The following PSTPIP2 variants were observed in gnomAD, a reference collection of about 807,000 sequenced individuals.
PSTPIP2 encodes proline-serine-threonine phosphatase-interacting protein 2.
A neutral mutation model predicts 63.3 loss-of-function variants in PSTPIP2; 33 were observed. The observed-to-expected ratio is 0.52, with a 90% CI of 0.40 to 0.70. The LOEUF is 0.70. PSTPIP2 is among the 30% of genes least tolerant of loss of function. PSTPIP2 has a pLI of 0.00. For missense variants in PSTPIP2, 312 were observed against 400.7 expected, an observed-to-expected ratio of 0.78 and a Z score of 1.89; for synonymous variants, 125 against 132.7, an observed-to-expected ratio of 0.94 and a Z score of 0.40.
chr18:46,004,474 G>A (rs568217200), intron 6 of PSTPIP2, among the ~76,000 whole-genome samples: 7 of 152,204 alleles, frequency 4.6e-5, no homozygotes, highest in African/African-American at 1.7e-4. Context: ...TTACTTAAAG[G>A]AAAAGTTTTT....
chr18:46,005,642 C>T (rs973921883), intron 5 of PSTPIP2, 111 bp from the exon 6 acceptor site: 4 of 790,432 alleles, frequency 5.1e-6, no homozygotes, highest in Non-Finnish European at 7.7e-6. Context: ...AAAATGATTA[C>T]CCACATTTCA....
At chr18:46,028,784 T>TA in intron 2 of PSTPIP2, 1 of 1,224,776 alleles carries the variant, frequency 8.2e-7, no homozygotes, top group South Asian at 1.2e-5. Context: ...GTGGGAGGAG[T>TA]ACCTGCCTGG....
intron 1 of PSTPIP2, among the ~76,000 whole-genome samples, chr18:46,067,254 G>C (rs908838600): frequency 6.6e-6 from 1 of 152,048 alleles, no homozygotes; most frequent in East Asian, 1.9e-4. Context: ...TGTAATCCCA[G>C]CACTTTGGGA....
At chr18:46,072,078 C>T (rs1599758517) in intron 1 of PSTPIP2, 78 bp downstream of exon 1, 1 of 1,481,346 alleles carries the variant, frequency 6.8e-7, no homozygotes, top group Non-Finnish European at 9.0e-7. Flanking sequence ...GCTGGGGAGC[C>T]CCCCACGCCC....
intron 12 of PSTPIP2, 118 bp from the exon 13 acceptor site, chr18:45,990,874 CA>C: frequency 1.3e-6 from 1 of 745,104 alleles, no homozygotes; most frequent in Non-Finnish European, 2.1e-6. Context: ...ACTGGAGGGT[CA>C]AGAAAGCTCA....
chr18:46,063,268 G>A (rs1048055138), intron 1 of PSTPIP2, among the ~76,000 whole-genome samples: 1 of 152,080 alleles, frequency 6.6e-6, no homozygotes, highest in African/African-American at 2.4e-5. Flanking sequence ...GCCTCCCAAA[G>A]TACTAGGATT....
chr18:46,067,210 A>C (rs1306517759), intron 1 of PSTPIP2, among the ~76,000 whole-genome samples: 8 of 152,046 alleles, frequency 5.3e-5, no homozygotes, highest in Non-Finnish European at 1.2e-4. Context: ...TGTCAAATTA[A>C]ATTCGACCTA....
intron 2 of PSTPIP2, chr18:46,028,748 G>A: frequency 1.0e-6 from 1 of 977,046 alleles, no homozygotes; most frequent in South Asian, 1.3e-5. Flanking sequence ...CTTAAGAAGC[G>A]ACTTTAAGAA....
chr18:45,998,463 C>T (rs1250325208), intron 8 of PSTPIP2, among the ~76,000 whole-genome samples: 6 of 152,094 alleles, frequency 3.9e-5, no homozygotes, highest in African/African-American at 1.2e-4. Flanking sequence ...ATTGCAAAGC[C>T]GCTACCACAT....
intron 5 of PSTPIP2, among the ~76,000 whole-genome samples, chr18:46,009,139 A>G (rs981565284): frequency 2.0e-5 from 3 of 152,044 alleles, no homozygotes; most frequent in Admixed American, 6.5e-5. Flanking sequence ...CTTGGTCACC[A>G]CCTTCATAAA....
chr18:46,055,254 T>G (rs1416907728), intron 1 of PSTPIP2, among the ~76,000 whole-genome samples: 1 of 152,158 alleles, frequency 6.6e-6, no homozygotes, highest in Non-Finnish European at 1.5e-5. Context: ...CCAGTGCCTC[T>G]CCCTCCAATC....
At chr18:46,048,194 C>G (rs1444059663) in intron 1 of PSTPIP2, among the ~76,000 whole-genome samples, 1 of 151,754 alleles carries the variant, frequency 6.6e-6, no homozygotes, top group Non-Finnish European at 1.5e-5. Context: ...ATACAGAGGC[C>G]AGAGAAAGAG....
intron 1 of PSTPIP2, among the ~76,000 whole-genome samples, chr18:46,052,298 T>G (rs1409250833): frequency 6.6e-6 from 1 of 152,190 alleles, no homozygotes; most frequent in Non-Finnish European, 1.5e-5. Context: ...GCCCAACCCA[T>G]AGAAATTCCA....
At chr18:46,002,854 G>A (rs563121289) in intron 6 of PSTPIP2, among the ~76,000 whole-genome samples, 117 of 152,282 alleles carry the variant, frequency 7.7e-4, no homozygotes, top group African/African-American at 2.5e-3. Context: ...TAAAATCTTC[G>A]TCACATAATT....
rs533383648 is a variant in PSTPIP2 at position 45,991,845 on chromosome 18, T to C, written c.920+57A>G. ...ATTCTAACATGTCTTAGAACATTCA[T>C]GATAACAATGTTTGTTAAAAGTATT... On this transcript the variant is annotated intron_variant, in intron 12 of 14. Transcript: ENST00000409746. 7.5e-6 allele frequency: 11 copies of C among 1,466,528 alleles called. No homozygotes were observed. The South Asian group carries it at 9.6e-5, about 13-fold the overall frequency. 90.8% of individuals were successfully genotyped at this position (1,466,528 alleles called of 1,614,324 possible).
chr18:46,028,439 C>T, intron 2 of PSTPIP2: 2 of 565,178 alleles, frequency 3.5e-6, no homozygotes, highest in South Asian at 1.5e-5. Flanking sequence ...CGGAACCGCC[C>T]GACGCTGGAG....
At chr18:45,986,423 C>T (rs1253660652) in intron 14 of PSTPIP2, among the ~76,000 whole-genome samples, 2 of 152,126 alleles carry the variant, frequency 1.3e-5, no homozygotes, top group East Asian at 3.8e-4. Flanking sequence ...TATTAAGCTA[C>T]TAGAATATAT....
At position 46,064,457 on chromosome 18, in the gene PSTPIP2, A is replaced by ATTTTTT. The variant is rs34169328; in HGVS notation, c.33+7693_33+7698dup. Among the ~76,000 whole-genome samples, 145 of 106,018 alleles carry ATTTTTT rather than the reference A, an allele frequency of 1.4e-3. 7 individuals are homozygous for ATTTTTT. The East Asian group carries it at 0.028, about 20-fold the overall frequency. 69.6% of individuals were successfully genotyped at this position (106,018 alleles called of 152,430 possible). A position where few individuals can be genotyped will look rare whatever the true frequency, so the allele number is the denominator to read the frequency against. ...AGGCACCCACCACAACACCTGGCTAATTTTTTTTTTTTTTTTTTTTTAAGT... is the reference window on the plus strand; with the variant it reads ...AGGCACCCACCACAACACCTGGCTAATTTTTTTTTTTTTTTTTTTTTTTTTTTAAGT... On this transcript the variant is annotated intron_variant, in intron 1 of 14. Coordinates refer to ENST00000409746, the MANE Select transcript of PSTPIP2 (RefSeq NM_024430.4).
chr18:46,040,967 C>G, intron 1 of PSTPIP2: 1 of 455,984 alleles, frequency 2.2e-6, no homozygotes, highest in South Asian at 1.6e-5. Context: ...CGGATGGAAA[C>G]TGACTCACGC....
Sources: allele counts gnomAD v4.1 joint callset (sites outside exome capture counted in the v4.1 genomes callset), GRCh38; gene constraint gnomAD v4.1.1; transcripts MANE v1.5; gene names NCBI Gene and HGNC (gene_info 2026-07-23, HGNC 2026-07-21).